ZFX: variants seen among roughly 807,000 people sequenced by gnomAD.
ZFX encodes the protein zinc finger X-chromosomal protein.
For missense variants in ZFX, 362 were observed against 628.3 expected (o/e 0.58, Z 4.53); for synonymous variants, 196 against 226.8 (o/e 0.86, Z 1.22).
intron 5 of ZFX, among the ~76,000 whole-genome samples, chrX:24,186,895 T>G (rs771999967): frequency 7.2e-4 from 81 of 111,891 alleles, no homozygotes; most frequent in African/African-American, 2.6e-3. Flanking sequence ...ACACCGTATG[T>G]ATATTAGGTA....
chrX:24,162,270 C>CT (rs753365585), intron 3 of ZFX, among the ~76,000 whole-genome samples: 1 of 111,422 alleles, frequency 9.0e-6, no homozygotes, highest in East Asian at 2.8e-4. Flanking sequence ...TTTAATTACT[C>CT]TTATCAGTGG....
intron 5 of ZFX, among the ~76,000 whole-genome samples, chrX:24,188,448 T>G (rs1003230658): frequency 7.2e-5 from 8 of 110,750 alleles, no homozygotes; most frequent in African/African-American, 2.6e-4. Flanking sequence ...ATCTGAAGGG[T>G]GTATAAAATA....
At chrX:24,175,739 C>T (rs988379671) in intron 4 of ZFX, among the ~76,000 whole-genome samples, 11 of 110,875 alleles carry the variant, frequency 9.9e-5, no homozygotes, top group African/African-American at 3.0e-4. Flanking sequence ...CCACCATGCC[C>T]GGCTAATTTT....
At chrX:24,152,977 T>C (rs948802108) in intron 3 of ZFX, 147 bp downstream of exon 3, 2 of 112,667 alleles carry the variant, frequency 1.8e-5, no homozygotes, top group African/African-American at 6.5e-5. Context: ...TAGTTTTTAA[T>C]TTCTGTGTAT....
chrX:24,208,456 G>T, intron 8 of ZFX, 86 bp downstream of exon 8: 3 of 1,096,596 alleles, frequency 2.7e-6, no homozygotes, highest in Non-Finnish European at 3.7e-6. Flanking sequence ...GTGGTCTTAG[G>T]TTTCAGAAGT....
rs2148037615 is a variant in ZFX, at chrX:24,208,273, T to G, written c.996T>G (p.Asp332Glu). 8.3e-7 allele frequency: 1 copy of G among 1,211,537 alleles called. No individual in the cohort carries two copies. Among genetic ancestry groups the G allele is most frequent in the Non-Finnish European group, 1.1e-6 (1 of 895,301 alleles). The change falls in exon 8 of 10, where the codon GAT (aspartate) becomes GAG (glutamate). Residue 332 changes from aspartate to glutamate, a missense_variant. Transcript: ENST00000304543. ...TGGAAGTGATCGTAGGAGAGGAGGA[T>G]GCTGCAGCAGCAGCGGCAGCCGCCG... ...VYMEVIVGEE[D>E]AAAAAAAAAV... is the part of the protein sequence containing the mutation.
intron 4 of ZFX, among the ~76,000 whole-genome samples, chrX:24,174,899 C>T (rs1355327106): frequency 1.8e-5 from 2 of 109,622 alleles, no homozygotes; most frequent in African/African-American, 3.3e-5. Context: ...TTTGTGGAGA[C>T]GGGGTCTCGC....
rs757554248 is a variant in ZFX at position 24,184,957 on chromosome X, A to G, written c.646+5187A>G. 2.7e-5 allele frequency among the ~76,000 whole-genome samples: 3 copies of G among 110,161 alleles called. No homozygotes were observed. In the East Asian group the frequency reaches 8.6e-4, roughly 32 times the overall value. Reference sequence around the variant, plus strand: ...TTTAGTAGTATCTTTTGTCTTCTCTATTATTATGTTTGAGATGAAGTCTCG... The same window carrying G: ...TTTAGTAGTATCTTTTGTCTTCTCTGTTATTATGTTTGAGATGAAGTCTCG... On this transcript the variant is annotated intron_variant, in intron 5 of 9. Transcript: ENST00000304543.
intron 3 of ZFX, among the ~76,000 whole-genome samples, chrX:24,171,904 AGGAGAGAGAGAG>A (rs1383095014): frequency 8.1e-4 from 79 of 97,316 alleles, no homozygotes; most frequent in East Asian, 5.8e-3. Context: ...CAGAGAGAGA[AGGAGAGAGAGAG>A]AGAGAGAGAG....
At chrX:24,206,339 A>T (rs1937575157) in intron 5 of ZFX, among the ~76,000 whole-genome samples, 1 of 111,424 alleles carries the variant, frequency 9.0e-6, no homozygotes, top group Non-Finnish European at 1.9e-5. Flanking sequence ...CTATTTCTTG[A>T]TTTTACTTCT....
chrX:24,161,862 C>G (rs2428148), intron 3 of ZFX: 55,590 of 104,840 alleles, frequency 0.53, 12,279 homozygotes, highest in African/African-American at 0.79. Context: ...CCCATGTCTG[C>G]CTAGCTTTTG....
At chrX:24,182,467 C>T in intron 5 of ZFX, among the ~76,000 whole-genome samples, 1 of 111,461 alleles carries the variant, frequency 9.0e-6, no homozygotes, top group East Asian at 2.8e-4. Flanking sequence ...ATTTCCAACA[C>T]TGTTAAGGAT....
At chrX:24,202,408 C>T (rs1395293807) in intron 5 of ZFX, among the ~76,000 whole-genome samples, 2 of 111,810 alleles carry the variant, frequency 1.8e-5, no homozygotes, top group Non-Finnish European at 3.8e-5. Flanking sequence ...CCATTGACTC[C>T]TCAGCCCACT....
At chrX:24,205,933 T>C (rs1300672173) in intron 5 of ZFX, among the ~76,000 whole-genome samples, 2 of 111,827 alleles carry the variant, frequency 1.8e-5, no homozygotes, top group Non-Finnish European at 3.8e-5. Context: ...TTGGAAATCA[T>C]ATGTACCTCT....
intron 9 of ZFX, among the ~76,000 whole-genome samples, chrX:24,209,832 C>T (rs1301266703): frequency 2.7e-5 from 3 of 111,910 alleles, no homozygotes; most frequent in African/African-American, 6.5e-5. Context: ...CTGCCTGCCT[C>T]GGCTTCCGAA....
chrX:24,191,763 G>A (rs768699712), intron 5 of ZFX, among the ~76,000 whole-genome samples: 1 of 108,845 alleles, frequency 9.2e-6, no homozygotes, highest in Non-Finnish European at 1.9e-5. Context: ...GCAGTGGTGC[G>A]ATCTTGACTC....
intron 5 of ZFX, among the ~76,000 whole-genome samples, chrX:24,200,910 A>C (rs1302275673): frequency 1.8e-5 from 2 of 112,223 alleles, no homozygotes. Flanking sequence ...ATGCCATGCA[A>C]TTGGTAGTTA....
intron 9 of ZFX, 82 bp from the exon 10 acceptor site, chrX:24,210,111 C>T (rs1324191532): frequency 8.6e-7 from 1 of 1,159,391 alleles, no homozygotes; most frequent in Non-Finnish European, 1.2e-6. Context: ...CAACAGTGGT[C>T]AGAACCCACA....
chrX:24,176,329 G>A (rs941400224), intron 4 of ZFX, among the ~76,000 whole-genome samples: 17 of 108,389 alleles, frequency 1.6e-4, no homozygotes, highest in African/African-American at 4.7e-4. Flanking sequence ...GTGAGCCACC[G>A]TTCCCAGCCT....
Sources: gnomAD v4.1 joint callset for allele counts (sites outside exome capture counted in the v4.1 genomes callset) on GRCh38, gnomAD v4.1.1 for gene constraint, MANE v1.5 for transcripts, NCBI Gene and HGNC (gene_info 2026-07-23, HGNC 2026-07-21) for gene names.